ROBO2: variants seen among roughly 807,000 people sequenced by gnomAD.
The protein encoded by ROBO2 is roundabout guidance receptor 2, also known as roundabout homolog 2.
A neutral mutation model predicts 160.8 loss-of-function variants in ROBO2; 53 were observed. The observed-to-expected ratio is 0.33, with a 90% CI of 0.26 to 0.41. The LOEUF (loss-of-function observed/expected upper bound fraction) is 0.41, where lower values mean the gene tolerates loss of function less well. Ranked by LOEUF, ROBO2 falls within the 10% of genes least tolerant of loss-of-function variation. The pLI is 1.00. For missense variants in ROBO2, 1,577 were observed against 1,722.4 expected, an observed-to-expected ratio of 0.92 and a Z score of 1.49; for synonymous variants, 664 against 611.7, an observed-to-expected ratio of 1.09 and a Z score of -1.26.
chr3:76,780,388 T>A (rs547879124), intron 2 of ROBO2, among the ~76,000 whole-genome samples: 13 of 150,914 alleles, frequency 8.6e-5, no homozygotes, highest in Non-Finnish European at 1.8e-4. Flanking sequence ...TGCTTTTTCA[T>A]CTTGTTGATT....
intron 2 of ROBO2, among the ~76,000 whole-genome samples, chr3:76,562,029 A>G (rs540464119): frequency 2.0e-5 from 3 of 151,992 alleles, no homozygotes; most frequent in Non-Finnish European, 2.9e-5. Context: ...TTACATCTCA[A>G]TTTAATGGCA....
chr3:76,458,038 T>C (rs1487709799), intron 2 of ROBO2, among the ~76,000 whole-genome samples: 1 of 152,144 alleles, frequency 6.6e-6, no homozygotes, highest in East Asian at 1.9e-4. Flanking sequence ...GGCCTGGAGA[T>C]ATTTTCACCA....
At chr3:76,426,971 T>C (rs537743793) in intron 2 of ROBO2, among the ~76,000 whole-genome samples, 2 of 152,266 alleles carry the variant, frequency 1.3e-5, no homozygotes, top group Non-Finnish European at 2.9e-5. Context: ...AAAGAAGACA[T>C]AGTGTACCTA....
chr3:76,137,207 A>C (rs2071459888), intron 2 of ROBO2, among the ~76,000 whole-genome samples: 1 of 151,940 alleles, frequency 6.6e-6, no homozygotes, highest in African/African-American at 2.4e-5. Flanking sequence ...CTTTGCCAGG[A>C]AATATCTCAC....
chr3:77,554,162 C>G (rs1166776817), intron 8 of ROBO2, among the ~76,000 whole-genome samples: 1 of 151,836 alleles, frequency 6.6e-6, no homozygotes, highest in Non-Finnish European at 1.5e-5. Flanking sequence ...TGCCTGTGCT[C>G]TGTAAATGGA....
intron 1 of ROBO2, among the ~76,000 whole-genome samples, chr3:77,074,175 C>T (rs1350727841): frequency 6.6e-6 from 1 of 152,158 alleles, no homozygotes; most frequent in Non-Finnish European, 1.5e-5. Flanking sequence ...AGCATACATA[C>T]TCAAGCGTGT....
At chr3:76,157,922 T>C (rs1316161206) in intron 2 of ROBO2, among the ~76,000 whole-genome samples, 1 of 152,174 alleles carries the variant, frequency 6.6e-6, no homozygotes, top group East Asian at 1.9e-4. Context: ...TGGCAGAGTC[T>C]CAAAATTACC....
chr3:77,015,973 T>TA (rs2062216505), intron 2 of ROBO2, among the ~76,000 whole-genome samples: 1 of 152,028 alleles, frequency 6.6e-6, no homozygotes, highest in African/African-American at 2.4e-5. Context: ...TTATTTTTTT[T>TA]ATTTTTATTT....
chr3:76,288,681 G>A (rs149865785), intron 2 of ROBO2, among the ~76,000 whole-genome samples: 16 of 151,978 alleles, frequency 1.1e-4, no homozygotes, highest in African/African-American at 1.9e-4. Context: ...TATTGTTCCC[G>A]TGTTTGTGTC....
At chr3:76,720,292 G>A (rs1576222421) in intron 2 of ROBO2, among the ~76,000 whole-genome samples, 2 of 152,088 alleles carry the variant, frequency 1.3e-5, no homozygotes, top group East Asian at 3.9e-4. Flanking sequence ...GTGAGGAAAG[G>A]AAAAAATCTA....
chr3:76,315,035 G>A (rs62261427), intron 2 of ROBO2, among the ~76,000 whole-genome samples: 3,313 of 152,274 alleles, frequency 0.022, 55 homozygotes, highest in Non-Finnish European at 0.03. Flanking sequence ...ATGTAAGTGG[G>A]TAAGGCTGGC....
chr3:76,013,114 C>G (rs192244756), intron 2 of ROBO2, among the ~76,000 whole-genome samples: 1 of 133,494 alleles, frequency 7.5e-6, no homozygotes, highest in African/African-American at 2.9e-5. Flanking sequence ...GTGGCTTATG[C>G]GTGTAATCCC....
chr3:76,335,865 C>T (rs749412747), intron 2 of ROBO2, among the ~76,000 whole-genome samples: 50 of 152,274 alleles, frequency 3.3e-4, no homozygotes, highest in Non-Finnish European at 5.0e-4. Context: ...TGTGAGCCAC[C>T]GCGCCCGGCC....
chr3:77,163,037 C>T (rs527291522), intron 2 of ROBO2, among the ~76,000 whole-genome samples: 1 of 151,674 alleles, frequency 6.6e-6, no homozygotes, highest in Non-Finnish European at 1.5e-5. Context: ...GGTTTCACCA[C>T]GTTGGCCAGG....
chr3:76,399,728 C>T (rs6781845), intron 2 of ROBO2, among the ~76,000 whole-genome samples: 31,539 of 151,474 alleles, frequency 0.21, 4,174 homozygotes, highest in African/African-American at 0.38. Flanking sequence ...ATACAGAGGC[C>T]GTCAGGGGAG....
rs967383650 is a variant in ROBO2, at chr3:77,568,515, G to T, written c.1971+81G>T. Reference sequence around the variant, plus strand: ...CATGGAAAATGCAAATGAACAAAGAGTGATAATAAAAATTCCCGCCATTTA... The same window carrying T: ...CATGGAAAATGCAAATGAACAAAGATTGATAATAAAAATTCCCGCCATTTA... On this transcript the variant is annotated intron_variant, in intron 13 of 25. Transcript: ENST00000461745. 5 of 1,534,832 alleles carry T rather than the reference G, an allele frequency of 3.3e-6. No individual in the cohort carries two copies. In the Admixed American group the frequency reaches 6.7e-5, roughly 21 times the overall value.
At chr3:77,526,461 G>A (rs957450324) in intron 6 of ROBO2, among the ~76,000 whole-genome samples, 1 of 151,434 alleles carries the variant, frequency 6.6e-6, no homozygotes, top group African/African-American at 2.4e-5. Context: ...CAGATTTCAT[G>A]AAATTTCATA....
intron 2 of ROBO2, among the ~76,000 whole-genome samples, chr3:76,782,689 A>G (rs1211026844): frequency 1.3e-5 from 2 of 150,764 alleles, no homozygotes; most frequent in Non-Finnish European, 3.0e-5. Context: ...TCATATATAT[A>G]TAACCAACTC....
At chr3:76,806,212 T>TGC (rs1553912082) in intron 2 of ROBO2, among the ~76,000 whole-genome samples, 3 of 104,398 alleles carry the variant, frequency 2.9e-5, no homozygotes, top group African/African-American at 1.2e-4. Flanking sequence ...ATTTTCTGTG[T>TGC]GCGTGTGTGT....
Sources: gnomAD v4.1 joint callset for allele counts (sites outside exome capture counted in the v4.1 genomes callset) on GRCh38, gnomAD v4.1.1 for gene constraint, MANE v1.5 for transcripts, NCBI Gene and HGNC (gene_info 2026-07-23, HGNC 2026-07-21) for gene names.